Variants in DGKE observed in about 807,000 individuals in gnomAD.
The protein encoded by DGKE is DAG kinase epsilon.
A neutral mutation model predicts 70.0 loss-of-function variants in DGKE; 53 were observed. The observed-to-expected ratio is 0.76, with a 90% CI of 0.61 to 0.95. The LOEUF is 0.95. Ranked by LOEUF, DGKE falls within the 40% of genes least tolerant of loss-of-function variation. The pLI is 0.00. For synonymous variants in DGKE, 291 were observed against 257.0 expected (o/e 1.13, Z -1.27); for missense variants, 655 against 706.9 (o/e 0.93, Z 0.83).
Position 56,865,322 on chromosome 17 carries a change from GA to G in DGKE, c.*2533del, listed in dbSNP as rs1908486949. The G allele has an allele frequency of 6.6e-6, 1 of 152,136 alleles. No homozygotes were observed. The highest frequency in any genetic ancestry group is 2.4e-5 in the African/African-American group (1 of 41,438). The allele number at this position is 152,136 out of a possible 1,614,324, so 9.4% of individuals were successfully genotyped here. ...TCTACATTCTCAGGAAGAAATACAT[GA>G]AGTAAATCATATCTCCATGTCTGTT... On this transcript the variant is annotated 3_prime_UTR_variant, in exon 12 of 12. Coordinates refer to ENST00000284061, the MANE Select transcript of DGKE (RefSeq NM_003647.3).
chr17:56,855,012 G>A (rs1907860678), intron 7 of DGKE, among the ~76,000 whole-genome samples: 1 of 152,112 alleles, frequency 6.6e-6, no homozygotes, highest in Non-Finnish European at 1.5e-5. Context: ...CTGGTGCCAG[G>A]CACTGTCGTA....
rs1908365023 is a variant in DGKE, at chr17:56,862,679, C to A, written c.1592C>A (p.Thr531Asn). ...DGEPWAQGPC[T>N]VTITHKTHAM... ...GAGCCTTGGGCCCAAGGGCCCTGCA[C>A]TGTCACCATAACTCACAAGACACAT... is the stretch of plus-strand genomic sequence containing the variant. The change falls in exon 12 of 12, where the codon ACT becomes AAT. Residue 531 changes from threonine (T) to asparagine (N), a missense_variant. By Grantham distance (65) the Thr-to-Asn change is moderately conservative. Transcript: ENST00000284061. 1 of 1,610,050 alleles carries A rather than the reference C, an allele frequency of 6.2e-7. No homozygotes were observed. Among genetic ancestry groups the A allele is most frequent in the Non-Finnish European group, 8.5e-7 (1 of 1,178,764 alleles).
intron 8 of DGKE, 141 bp from the exon 9 acceptor site, chr17:56,858,453 T>C: frequency 1.7e-6 from 1 of 605,750 alleles, no homozygotes. Context: ...TGGTTGCCCT[T>C]CTTTTCATCA....
intron 8 of DGKE, among the ~76,000 whole-genome samples, 182 bp from the exon 9 acceptor site, chr17:56,858,412 G>A (rs1187817193): frequency 6.6e-6 from 1 of 152,182 alleles, no homozygotes; most frequent in African/African-American, 2.4e-5. Context: ...GTTGGATAGG[G>A]CCAGAGGTTG....
chr17:56,848,295 C>G (rs1417986592), intron 5 of DGKE, among the ~76,000 whole-genome samples: 1 of 151,922 alleles, frequency 6.6e-6, no homozygotes, highest in Non-Finnish European at 1.5e-5. Flanking sequence ...GTTGCTGAGA[C>G]TATAGGTGTG....
chr17:56,839,142 T>C (rs1906809868), intron 2 of DGKE, among the ~76,000 whole-genome samples: 1 of 152,052 alleles, frequency 6.6e-6, no homozygotes, highest in South Asian at 2.1e-4. Flanking sequence ...AAGGGTGAGA[T>C]CTCATACTGT....
In DGKE at chr17:56,848,753, C is replaced by G. The variant is rs1197224876; in HGVS notation, c.946C>G (p.Leu316Val). 6.2e-7 allele frequency: 1 copy of G among 1,613,996 alleles called. No homozygotes were observed. Among genetic ancestry groups the G allele is most frequent in the Non-Finnish European group, 8.5e-7 (1 of 1,179,910 alleles). The change falls in exon 6 of 12, where the codon CTA (leucine) becomes GTA (valine). Residue 316 changes from leucine to valine, a missense_variant. By Grantham distance (32) the Leu-to-Val change is conservative. Transcript: ENST00000284061. ...TTTGCCTCTGGGAACAGGCAACGATCTATCCAATACATTGGGTTGGGGTAC... is the reference window on the plus strand; with the variant it reads ...TTTGCCTCTGGGAACAGGCAACGATGTATCCAATACATTGGGTTGGGGTAC... Reference protein sequence around the residue: ...AVLPLGTGNDLSNTLGWGTGY... With the variant: ...AVLPLGTGNDVSNTLGWGTGY...
rs766475844 is a variant in DGKE, at chr17:56,848,652, A to G, written c.889-44A>G. On this transcript the variant is annotated intron_variant, in intron 5 of 11. Transcript: ENST00000284061. ...TTTTACAAAATATTATTACCCAGCA[A>G]ATAGTCTGAGAGAAAAATCTAAAAC... 6 of 1,593,318 alleles carry G rather than the reference A, an allele frequency of 3.8e-6. No individual in the cohort carries two copies. In the East Asian group the frequency reaches 1.3e-4, roughly 36 times the overall value.
At chr17:56,849,701 A>G (rs1907533667) in intron 7 of DGKE, among the ~76,000 whole-genome samples, 1 of 152,262 alleles carries the variant, frequency 6.6e-6, no homozygotes, top group Admixed American at 6.5e-5. Context: ...ACTGATTAGT[A>G]TAAAGGGGAG....
intron 9 of DGKE, among the ~76,000 whole-genome samples, chr17:56,859,734 T>C (rs1016570994): frequency 6.6e-6 from 1 of 152,242 alleles, no homozygotes; most frequent in Non-Finnish European, 1.5e-5. Flanking sequence ...GGCAGTCTTA[T>C]ATGTATTCCT....
intron 2 of DGKE, among the ~76,000 whole-genome samples, chr17:56,839,117 T>C (rs1011602508): frequency 6.6e-6 from 1 of 152,164 alleles, no homozygotes; most frequent in African/African-American, 2.4e-5. Flanking sequence ...TTAGAATATA[T>C]TTGCTAAAAT....
intron 7 of DGKE, among the ~76,000 whole-genome samples, chr17:56,849,982 C>T (rs1273966983): frequency 6.6e-6 from 1 of 151,944 alleles, no homozygotes; most frequent in Non-Finnish European, 1.5e-5. Context: ...GGGGAGTAGC[C>T]CAAGTTGTGG....
chr17:56,835,331 G>C (rs1906538946), intron 2 of DGKE, 72 bp downstream of exon 2: 3 of 1,449,776 alleles, frequency 2.1e-6, no homozygotes, highest in Non-Finnish European at 2.8e-6. Flanking sequence ...GTGGTGTAGA[G>C]GCCTGCTTTA....
chr17:56,849,008 G>T (rs2144243644), intron 6 of DGKE, among the ~76,000 whole-genome samples, 155 bp downstream of exon 6: 1 of 152,304 alleles, frequency 6.6e-6, no homozygotes, highest in African/African-American at 2.4e-5. Flanking sequence ...GTTTTATTAT[G>T]TAAGAGCCGA....
rs1021400389 is a variant in DGKE at position 56,866,771 on chromosome 17, A to C, written c.*3980A>C. On this transcript the variant is annotated 3_prime_UTR_variant, in exon 12 of 12. Coordinates refer to ENST00000284061, the MANE Select transcript of DGKE (RefSeq NM_003647.3). Reference sequence around the variant, plus strand: ...AATGCAGCCACACTTGTGTATACTGAGTGCTGCTTCAGATCTCAGTAGATA... The same window carrying C: ...AATGCAGCCACACTTGTGTATACTGCGTGCTGCTTCAGATCTCAGTAGATA... 9 of 152,230 alleles carry C rather than the reference A, an allele frequency of 5.9e-5. No homozygotes were observed. The highest frequency in any genetic ancestry group is 5.8e-4 in the East Asian group (3 of 5,196). 9.4% of individuals were successfully genotyped at this position (152,230 alleles called of 1,614,324 possible).
rs1908522118 is a variant in DGKE, at chr17:56,866,274, A to G, written c.*3483A>G. The G allele has an allele frequency of 6.6e-6, 1 of 152,208 alleles. No homozygotes were observed. The highest frequency in any genetic ancestry group is 1.5e-5 in the Non-Finnish European group (1 of 68,050). The allele number at this position is 152,208 out of a possible 1,614,324, so 9.4% of individuals were successfully genotyped here. ...AATGCCTGGGCAGGCTGTTGAAAGT[A>G]TGGATTCCTGAGCCCAACCCTTAAC... is the stretch of plus-strand genomic sequence containing the variant. On this transcript the variant is annotated 3_prime_UTR_variant, in exon 12 of 12. Coordinates refer to ENST00000284061, the MANE Select transcript of DGKE (RefSeq NM_003647.3).
Position 56,861,880 on chromosome 17 carries a change from A to T in DGKE, c.1374A>T (p.Leu458=), listed in dbSNP as rs1248049569. Residue 458 remains leucine, a synonymous_variant, in exon 10 of 12, where the codon CTA becomes CTT. Coordinates refer to ENST00000284061, the MANE Select transcript of DGKE (RefSeq NM_003647.3). ...GATACTGGGGCGGTGGCTGCAGACT[A>T]TGGGAAGGGATGGGGGACGAGACTT... The part of the protein sequence containing the change: ...NIGYWGGGCR[L]WEGMGDETYP... 1 of 1,613,548 alleles carries T rather than the reference A, an allele frequency of 6.2e-7. No homozygotes were observed. The highest frequency in any genetic ancestry group is 8.5e-7 in the Non-Finnish European group (1 of 1,179,880).
intron 2 of DGKE, among the ~76,000 whole-genome samples, chr17:56,837,464 T>C (rs1906701717): frequency 6.6e-6 from 1 of 152,224 alleles, no homozygotes; most frequent in Non-Finnish European, 1.5e-5. Context: ...GAGTAACCCC[T>C]TACCCCATGA....
At chr17:56,856,058 G>A (rs1416241285) in intron 7 of DGKE, among the ~76,000 whole-genome samples, 1 of 150,702 alleles carries the variant, frequency 6.6e-6, no homozygotes, top group African/African-American at 2.4e-5. Context: ...GTGTTGGAAC[G>A]AAGGATGGTG....
Sources: gnomAD v4.1 joint callset for allele counts (sites outside exome capture counted in the v4.1 genomes callset) on GRCh38, gnomAD v4.1.1 for gene constraint, MANE v1.5 for transcripts, NCBI Gene and HGNC (gene_info 2026-07-23, HGNC 2026-07-21) for gene names.